ZBTB49: variants seen among roughly 807,000 people sequenced by gnomAD.
The protein encoded by ZBTB49 is zinc finger and BTB domain-containing protein 49.
A neutral mutation model predicts 57.5 loss-of-function variants in ZBTB49; 43 were observed. The ratio of observed to expected loss-of-function variants is 0.75; its 90% CI spans 0.59 to 0.97. The LOEUF (loss-of-function observed/expected upper bound fraction) is 0.97, where lower values mean the gene tolerates loss of function less well. Ranked by LOEUF, ZBTB49 falls within the 50% of genes least tolerant of loss-of-function variation. ZBTB49 has a pLI of 0.00. For synonymous variants in ZBTB49, 369 were observed against 362.1 expected (o/e 1.02, Z -0.22); for missense variants, 938 against 947.7 (o/e 0.99, Z 0.13).
At chr4:4,299,777 GT>G in intron 1 of ZBTB49, 149 bp from the exon 2 acceptor site, 1 of 146,150 alleles carries the variant, frequency 6.8e-6, no homozygotes, top group Non-Finnish European at 1.6e-5. Flanking sequence ...AGAAACAGAG[GT>G]GTGTGTGTGT....
intron 2 of ZBTB49, 87 bp downstream of exon 2, chr4:4,300,184 G>C (rs910545754): frequency 1.3e-5 from 19 of 1,420,694 alleles, no homozygotes; most frequent in Non-Finnish European, 1.8e-5. Context: ...GTTCTCCTTG[G>C]ATTTCACTAT....
chr4:4,314,633 A>C (rs1481200199), intron 5 of ZBTB49, among the ~76,000 whole-genome samples: 1 of 152,170 alleles, frequency 6.6e-6, no homozygotes, highest in East Asian at 1.9e-4. Flanking sequence ...CTGCCTCCCA[A>C]AGTGCTAAGA....
chr4:4,306,115 GT>G, intron 3 of ZBTB49, 22 bp from the exon 4 acceptor site: 3 of 1,607,114 alleles, frequency 1.9e-6, no homozygotes, highest in Non-Finnish European at 2.6e-6. Context: ...GATTTTACAA[GT>G]TGTTGTTTTG....
intron 7 of ZBTB49, 37 bp from the exon 8 acceptor site, chr4:4,320,603 T>C (rs530729296): frequency 1.2e-6 from 2 of 1,611,364 alleles, no homozygotes; most frequent in African/African-American, 2.7e-5. Context: ...AGTGAGACCC[T>C]GTTTAAGTAA....
At position 4,302,581 on chromosome 4, in the gene ZBTB49, C is replaced by A; in HGVS notation, c.745C>A (p.Leu249Ile). The A allele has an allele frequency of 1.2e-6, 2 of 1,613,978 alleles. No homozygotes were observed. The highest frequency in any genetic ancestry group is 1.7e-6 in the Non-Finnish European group (2 of 1,179,954). ...QPFAFSTSTD[L>I]TTVESQPCAV... ...TTTTGCTTTCAGCACCTCTACAGAC[C>A]TTACCACGGTAGAGAGCCAGCCTTG... Residue 249 changes from leucine to isoleucine, a missense_variant, in exon 3 of 8, where the codon CTT (leucine) becomes ATT (isoleucine). This residue lies in a region of ZBTB49 where 835 missense variants were observed against 819.1 expected (regional missense o/e 1.02). Transcript: ENST00000337872.
chr4:4,297,284 G>T (rs1396501016), intron 1 of ZBTB49, among the ~76,000 whole-genome samples: 5 of 152,110 alleles, frequency 3.3e-5, no homozygotes, highest in Admixed American at 6.5e-5. Flanking sequence ...TGGCCAGGCT[G>T]GTCTCGAACT....
intron 7 of ZBTB49, among the ~76,000 whole-genome samples, chr4:4,316,840 C>A (rs769655602): frequency 6.6e-6 from 1 of 152,220 alleles, no homozygotes; most frequent in East Asian, 1.9e-4. Flanking sequence ...CATGACCATT[C>A]TGATCACTCT....
intron 4 of ZBTB49, among the ~76,000 whole-genome samples, chr4:4,308,813 C>T (rs184582350): frequency 1.7e-4 from 26 of 152,222 alleles, no homozygotes; most frequent in Non-Finnish European, 1.5e-4. Context: ...CAGTTATCTA[C>T]GGGAACAGTG....
chr4:4,302,484 C>G lies in ZBTB49; in HGVS notation c.648C>G (p.Leu216=), dbSNP rs368551489. ...AACAGCCAAATTACTATTACAAACTCAGAAACTTTTACAGTAAGCAGTACC... is the reference window on the plus strand; with the variant it reads ...AACAGCCAAATTACTATTACAAACTGAGAAACTTTTACAGTAAGCAGTACC... ...PFKQPNYYYK[L]RNFYSKQYHK... is the part of the protein sequence containing the mutation. The change falls in exon 3 of 8, where the codon CTC becomes CTG. Residue 216 remains leucine (L), a synonymous_variant. Transcript: ENST00000337872. 3.7e-6 allele frequency: 6 copies of G among 1,614,158 alleles called. No individual in the cohort carries two copies. Among genetic ancestry groups the G allele is most frequent in the Middle Eastern group, 1.6e-4 (1 of 6,062 alleles).
intron 3 of ZBTB49, among the ~76,000 whole-genome samples, chr4:4,303,712 AT>A (rs1560109190): frequency 2.1e-5 from 3 of 141,902 alleles, no homozygotes; most frequent in Admixed American, 7.1e-5. Flanking sequence ...TTCCCAAAAG[AT>A]TTTTTTAAGG....
intron 7 of ZBTB49, among the ~76,000 whole-genome samples, chr4:4,317,912 C>T (rs1443445651): frequency 6.6e-6 from 1 of 152,170 alleles, no homozygotes; most frequent in East Asian, 1.9e-4. Context: ...GTTTTAGTGG[C>T]AGCTTCCTAT....
chr4:4,295,486 T>C (rs1280323610), intron 1 of ZBTB49, among the ~76,000 whole-genome samples: 5 of 152,212 alleles, frequency 3.3e-5, no homozygotes, highest in Non-Finnish European at 7.3e-5. Flanking sequence ...ATATCAGATA[T>C]GATATGCTTA....
Position 4,302,407 on chromosome 4 carries a change from T to G in ZBTB49, c.571T>G (p.Ser191Ala). 6.2e-7 allele frequency: 1 copy of G among 1,614,198 alleles called. No homozygotes were observed. ...VNRHHSAGEI[S>A]KQAPDTSDGS... Reference sequence around the variant, plus strand: ...TCGTCATCACTCCGCAGGTGAAATCTCAAAACAAGCTCCTGATACTTCAGA... The same window carrying G: ...TCGTCATCACTCCGCAGGTGAAATCGCAAAACAAGCTCCTGATACTTCAGA... The change falls in exon 3 of 8, where the codon TCA (serine) becomes GCA (alanine). Residue 191 changes from serine to alanine, a missense_variant. Ser to Ala is a moderately conservative substitution (Grantham distance 99). Transcript: ENST00000337872.
At chr4:4,297,493 A>G (rs563566778) in intron 1 of ZBTB49, among the ~76,000 whole-genome samples, 2 of 152,322 alleles carry the variant, frequency 1.3e-5, no homozygotes, top group Admixed American at 1.3e-4. Context: ...GAGCGGGTTA[A>G]GAATCATGGG....
intron 1 of ZBTB49, among the ~76,000 whole-genome samples, chr4:4,297,901 G>C (rs1169198361): frequency 1.3e-5 from 2 of 152,234 alleles, no homozygotes; most frequent in Admixed American, 6.5e-5. Context: ...TCAGAGGAGA[G>C]CGCAGGCAGA....
intron 4 of ZBTB49, among the ~76,000 whole-genome samples, chr4:4,307,339 C>T (rs1051124751): frequency 5.9e-5 from 9 of 152,276 alleles, no homozygotes; most frequent in Non-Finnish European, 8.8e-5. Context: ...GATGAGCCTC[C>T]GCTTCTTCCT....
At chr4:4,309,901 A>AT (rs1720910989) in intron 4 of ZBTB49, among the ~76,000 whole-genome samples, 1 of 151,694 alleles carries the variant, frequency 6.6e-6, no homozygotes, top group African/African-American at 2.4e-5. Context: ...TAAACCTTAC[A>AT]TTTTTTTCTT....
chr4:4,298,590 C>G (rs1468870371), intron 1 of ZBTB49, among the ~76,000 whole-genome samples: 1 of 152,092 alleles, frequency 6.6e-6, no homozygotes, highest in Non-Finnish European at 1.5e-5. Flanking sequence ...CCATGCCTAG[C>G]TAATTTTTGT....
intron 3 of ZBTB49, among the ~76,000 whole-genome samples, chr4:4,304,171 A>G (rs957467587): frequency 6.6e-6 from 1 of 152,160 alleles, no homozygotes; most frequent in African/African-American, 2.4e-5. Context: ...TGCCCTGAAA[A>G]AACTTTAGAT....
Sources: allele counts gnomAD v4.1 joint callset (sites outside exome capture counted in the v4.1 genomes callset), GRCh38; gene constraint gnomAD v4.1.1; regional missense constraint gnomAD v4.1.1; transcripts MANE v1.5; gene names NCBI Gene and HGNC (gene_info 2026-07-23, HGNC 2026-07-21).